Variants in EYS observed in about 807,000 individuals in gnomAD.
EYS encodes the protein protein eyes shut homolog.
A neutral mutation model predicts 282.1 loss-of-function variants in EYS; 250 were observed. That is an observed-to-expected ratio of 0.89 (90% CI 0.80 to 0.98). EYS has a LOEUF of 0.98. Among genes scored for constraint, EYS ranks in the 50% least tolerant of loss-of-function variants. The probability of loss-of-function intolerance (pLI) is 0.00; values close to 1 mark genes in which losing one functional copy is unlikely to be tolerated. For synonymous variants in EYS, 1,355 were observed against 1,282.9 expected, an observed-to-expected ratio of 1.06 and a Z score of -1.20; for missense variants, 4,016 against 3,709.0, an observed-to-expected ratio of 1.08 and a Z score of -2.15.
At chr6:64,524,910 C>A (rs1219030384) in intron 26 of EYS, among the ~76,000 whole-genome samples, 1 of 151,652 alleles carries the variant, frequency 6.6e-6, no homozygotes, top group African/African-American at 2.4e-5. Flanking sequence ...ACATGGCCAA[C>A]AAGCATATGA....
chr6:65,542,409 T>C (rs1768200310), intron 2 of EYS, among the ~76,000 whole-genome samples: 1 of 152,062 alleles, frequency 6.6e-6, no homozygotes, highest in African/African-American at 2.4e-5. Context: ...TAATATTCTT[T>C]TCCAAATAGT....
intron 35 of EYS, among the ~76,000 whole-genome samples, chr6:63,968,557 A>G (rs1766411873): frequency 6.6e-6 from 1 of 152,198 alleles, no homozygotes; most frequent in Non-Finnish European, 1.5e-5. Flanking sequence ...TTTGATGTCA[A>G]GTTGATTTCT....
intron 28 of EYS, among the ~76,000 whole-genome samples, chr6:64,425,034 G>A (rs1353785961): frequency 6.6e-6 from 1 of 152,164 alleles, no homozygotes; most frequent in Non-Finnish European, 1.5e-5. Context: ...CCAGTTGGAA[G>A]AAGCAGTGAG....
At chr6:64,009,961 G>T (rs2149810654) in intron 33 of EYS, among the ~76,000 whole-genome samples, 2 of 151,614 alleles carry the variant, frequency 1.3e-5, no homozygotes, top group South Asian at 2.1e-4. Flanking sequence ...TTTGATTGTG[G>T]TACAAAGTGG....
At chr6:64,641,817 A>C (rs1425769985) in intron 22 of EYS, among the ~76,000 whole-genome samples, 1 of 152,132 alleles carries the variant, frequency 6.6e-6, no homozygotes, top group African/African-American at 2.4e-5. Flanking sequence ...TAGGAGCGTG[A>C]ACCCTATTGT....
chr6:64,602,956 A>C (rs2149839073), intron 24 of EYS, among the ~76,000 whole-genome samples: 1 of 152,164 alleles, frequency 6.6e-6, no homozygotes, highest in Admixed American at 6.6e-5. Flanking sequence ...CTGGTTGCTT[A>C]GCAAGTCACT....
intron 30 of EYS, among the ~76,000 whole-genome samples, chr6:64,261,261 C>A (rs1306460682): frequency 6.6e-6 from 1 of 152,004 alleles, no homozygotes. Flanking sequence ...AAAGCACAGA[C>A]AACCAAAGCA....
chr6:65,572,654 G>A lies in EYS; in HGVS notation c.-333+67124C>T, dbSNP rs574248082. Among the ~76,000 whole-genome samples the A allele has an allele frequency of 2.1e-4, 32 of 152,192 alleles. 1 individual carries two copies. The highest frequency in any genetic ancestry group is 5.1e-4 in the African/African-American group (21 of 41,532). ...GCAACAGGCGATACCATGTAGTCTAGGTATGTAGTAGTCAGTACCATCTCG... is the reference window on the plus strand; with the variant it reads ...GCAACAGGCGATACCATGTAGTCTAAGTATGTAGTAGTCAGTACCATCTCG... On this transcript the variant is annotated intron_variant, in intron 2 of 42. Transcript: ENST00000503581.
intron 33 of EYS, among the ~76,000 whole-genome samples, chr6:64,028,352 A>G (rs1041005618): frequency 1.3e-5 from 2 of 152,236 alleles, no homozygotes; most frequent in East Asian, 1.9e-4. Flanking sequence ...AACATTTGAA[A>G]GCTCAAGGCT....
chr6:65,662,251 G>A (rs1768032517), intron 1 of EYS, among the ~76,000 whole-genome samples: 1 of 152,120 alleles, frequency 6.6e-6, no homozygotes. Context: ...ATTTCTGGAA[G>A]AGGTTTATCT....
chr6:65,253,156 C>T (rs1014744123), intron 12 of EYS, among the ~76,000 whole-genome samples: 2 of 151,964 alleles, frequency 1.3e-5, no homozygotes, highest in African/African-American at 4.8e-5. Context: ...TCAGACACAT[C>T]AGAAGGAAGC....
chr6:65,317,959 C>T (rs550847419), intron 11 of EYS, among the ~76,000 whole-genome samples: 7 of 150,434 alleles, frequency 4.7e-5, no homozygotes, highest in Admixed American at 1.3e-4. Context: ...CCTCCTCCTC[C>T]GGGGTTCAAG....
chr6:64,549,368 G>A lies in EYS; in HGVS notation c.5644+40855C>T, dbSNP rs77118997. On this transcript the variant is annotated intron_variant, in intron 26 of 42. Coordinates refer to ENST00000503581, the MANE Select transcript of EYS (RefSeq NM_001142800.2). ...ACTAATATTTTTAGAATTTGTCCAT[G>A]TCATGATTCTCAATTTTTTAGTTGA... is the stretch of plus-strand genomic sequence containing the variant. 2.1e-4 allele frequency among the ~76,000 whole-genome samples: 32 copies of A among 152,264 alleles called. No homozygotes were observed. In the East Asian group the frequency reaches 5.4e-3, roughly 26 times the overall value.
chr6:65,050,061 A>T (rs1288698061), intron 13 of EYS, among the ~76,000 whole-genome samples: 1 of 151,832 alleles, frequency 6.6e-6, no homozygotes, highest in East Asian at 1.9e-4. Flanking sequence ...ATTAACATGA[A>T]ATAAAATTAA....
intron 11 of EYS, chr6:65,330,144 C>A: frequency 1.0e-6 from 1 of 981,006 alleles, no homozygotes; most frequent in Non-Finnish European, 1.2e-6. Context: ...ACAGAAGAAC[C>A]ATGAGATGTG....
intron 26 of EYS, 76 bp from the exon 27 acceptor site, chr6:64,439,428 CA>C: frequency 1.3e-5 from 12 of 955,648 alleles, no homozygotes; most frequent in Non-Finnish European, 1.8e-5. Context: ...ATTAACATAG[CA>C]TATGTTTTCT....
chr6:64,614,905 G>T (rs750552853), intron 24 of EYS, among the ~76,000 whole-genome samples: 4 of 152,086 alleles, frequency 2.6e-5, no homozygotes, highest in Non-Finnish European at 5.9e-5. Flanking sequence ...ATTAGTGACC[G>T]CCTATACTGT....
At chr6:64,558,384 G>T (rs932172633) in intron 26 of EYS, among the ~76,000 whole-genome samples, 1 of 152,018 alleles carries the variant, frequency 6.6e-6, no homozygotes, top group African/African-American at 2.4e-5. Flanking sequence ...CTGGCATCTA[G>T]AGCAAAAGGT....
At chr6:64,610,045 AAG>A (rs1417143163) in intron 24 of EYS, among the ~76,000 whole-genome samples, 1 of 152,090 alleles carries the variant, frequency 6.6e-6, no homozygotes, top group Non-Finnish European at 1.5e-5. Flanking sequence ...ACCATTCTGT[AAG>A]TATGGGCATT....
Sources: gnomAD v4.1 joint callset for allele counts (sites outside exome capture counted in the v4.1 genomes callset) on GRCh38, gnomAD v4.1.1 for gene constraint, MANE v1.5 for transcripts, NCBI Gene and HGNC (gene_info 2026-07-23, HGNC 2026-07-21) for gene names.